Variants in CCDC148 observed in about 807,000 individuals in gnomAD.
The protein encoded by CCDC148 is coiled-coil domain-containing protein 148.
CCDC148 carries 89 observed loss-of-function variants against 85.7 expected under a neutral mutation model. That is an observed-to-expected ratio of 1.04 (90% CI 0.87 to 1.24). The LOEUF (loss-of-function observed/expected upper bound fraction) is 1.24, where lower values mean the gene tolerates loss of function less well. CCDC148 is among the 50% of genes most tolerant of loss of function. The probability of loss-of-function intolerance (pLI) is 0.00; values close to 1 mark genes in which losing one functional copy is unlikely to be tolerated. For missense variants in CCDC148, 692 were observed against 671.7 expected (o/e 1.03, Z -0.33); for synonymous variants, 230 against 213.9 (o/e 1.08, Z -0.66).
chr2:158,447,139 T>TTA (rs1286385749), intron 1 of CCDC148: 1 of 152,152 alleles, frequency 6.6e-6, no homozygotes, highest in Non-Finnish European at 1.5e-5. Context: ...AAGTTTATAT[T>TTA]TATATATATG....
At chr2:158,296,823 C>T (rs1049487668) in intron 9 of CCDC148, among the ~76,000 whole-genome samples, 2 of 152,156 alleles carry the variant, frequency 1.3e-5, no homozygotes, top group Non-Finnish European at 2.9e-5. Flanking sequence ...ATCAAGTCCT[C>T]GAACCCTGGG....
At chr2:158,394,142 T>A (rs1222946746) in intron 1 of CCDC148, among the ~76,000 whole-genome samples, 1 of 152,118 alleles carries the variant, frequency 6.6e-6, no homozygotes, top group African/African-American at 2.4e-5. Flanking sequence ...CCATCAGTTT[T>A]GAGTTTATTT....
In CCDC148 at chr2:158,215,837, C is replaced by T. The variant is rs542782908; in HGVS notation, c.1370+4758G>A. Among the ~76,000 whole-genome samples, 19 of 152,194 alleles carry T rather than the reference C, an allele frequency of 1.2e-4. No homozygotes were observed. The East Asian group carries it at 3.1e-3, about 25-fold the overall frequency. Reference sequence around the variant, plus strand: ...ATGGTATTTGGATATGTAGCCCTCACGGTGGGAGTCACGCCCTTGTAAGAA... The same window carrying T: ...ATGGTATTTGGATATGTAGCCCTCATGGTGGGAGTCACGCCCTTGTAAGAA... On this transcript the variant is annotated intron_variant, in intron 11 of 13. Coordinates refer to ENST00000283233, the MANE Select transcript of CCDC148 (RefSeq NM_138803.4).
chr2:158,426,538 A>C (rs1056258754), intron 1 of CCDC148, among the ~76,000 whole-genome samples: 2 of 152,148 alleles, frequency 1.3e-5, no homozygotes, highest in Non-Finnish European at 2.9e-5. Flanking sequence ...TTCCTGGTTC[A>C]TTGAAAAGAA....
chr2:158,203,953 C>G (rs1686097844), intron 11 of CCDC148, among the ~76,000 whole-genome samples: 1 of 152,128 alleles, frequency 6.6e-6, no homozygotes, highest in Non-Finnish European at 1.5e-5. Flanking sequence ...AAAAGGCAAA[C>G]ATAAATAACC....
chr2:158,257,594 C>G (rs1418635470), intron 9 of CCDC148, among the ~76,000 whole-genome samples: 1 of 151,800 alleles, frequency 6.6e-6, no homozygotes, highest in African/African-American at 2.4e-5. Flanking sequence ...TGTCTTTATT[C>G]TTGGCTTCAC....
intron 10 of CCDC148, among the ~76,000 whole-genome samples, chr2:158,243,729 G>T (rs1420708373): frequency 6.6e-6 from 1 of 152,108 alleles, no homozygotes; most frequent in Admixed American, 6.5e-5. Context: ...ATGCCATACT[G>T]TTGGCAGTAA....
chr2:158,228,422 T>C (rs968583668), intron 10 of CCDC148, among the ~76,000 whole-genome samples: 13 of 152,156 alleles, frequency 8.5e-5, no homozygotes, highest in Non-Finnish European at 1.8e-4. Context: ...GATCTAGAGC[T>C]AGAAATACCA....
intron 7 of CCDC148, among the ~76,000 whole-genome samples, chr2:158,331,219 T>C (rs562197578): frequency 3.3e-5 from 5 of 150,560 alleles, no homozygotes; most frequent in African/African-American, 7.5e-5. Flanking sequence ...TTTGTTCTCA[T>C]TGGTTTCAAA....
At chr2:158,288,708 C>A in intron 9 of CCDC148, 1 of 380,182 alleles carries the variant, frequency 2.6e-6, no homozygotes, top group Non-Finnish European at 5.2e-6. Flanking sequence ...ACTGTTCCAA[C>A]CTCTGCCTGA....
At chr2:158,221,717 AC>A (rs1389275308) in intron 10 of CCDC148, among the ~76,000 whole-genome samples, 1 of 152,214 alleles carries the variant, frequency 6.6e-6, no homozygotes, top group Admixed American at 6.5e-5. Flanking sequence ...CATCCCAAGC[AC>A]CATCGCCACA....
At chr2:158,248,745 T>C (rs550514395) in intron 10 of CCDC148, among the ~76,000 whole-genome samples, 26 of 152,264 alleles carry the variant, frequency 1.7e-4, no homozygotes, top group African/African-American at 5.1e-4. Flanking sequence ...ACATCTTGCA[T>C]TCTAAGATGA....
intron 9 of CCDC148, among the ~76,000 whole-genome samples, chr2:158,300,051 T>C (rs1447688124): frequency 2.6e-5 from 4 of 152,152 alleles, no homozygotes; most frequent in Non-Finnish European, 5.9e-5. Flanking sequence ...AAAATATACC[T>C]CAATTTTATG....
intron 10 of CCDC148, among the ~76,000 whole-genome samples, chr2:158,231,759 G>A (rs1170601382): frequency 6.6e-6 from 1 of 152,092 alleles, no homozygotes; most frequent in Non-Finnish European, 1.5e-5. Flanking sequence ...TAGGTGACTG[G>A]AAGTTTCTTC....
At chr2:158,385,597 A>G (rs540229459) in intron 1 of CCDC148, among the ~76,000 whole-genome samples, 1 of 152,322 alleles carries the variant, frequency 6.6e-6, no homozygotes, top group South Asian at 2.1e-4. Flanking sequence ...GTATATAGAA[A>G]TCCAAGTACT....
intron 7 of CCDC148, among the ~76,000 whole-genome samples, chr2:158,317,150 A>G (rs1420751426): frequency 6.6e-6 from 1 of 152,204 alleles, no homozygotes; most frequent in African/African-American, 2.4e-5. Flanking sequence ...ACTCTACGTT[A>G]AAAGAAAATT....
At chr2:158,208,955 T>TAA (rs373694914) in intron 11 of CCDC148, among the ~76,000 whole-genome samples, 9 of 151,704 alleles carry the variant, frequency 5.9e-5, no homozygotes, top group African/African-American at 2.2e-4. Context: ...ATATATTTTT[T>TAA]AAAAAAACCC....
chr2:158,171,928 TAA>T lies in CCDC148; in HGVS notation c.*183_*184del. On this transcript the variant is annotated 3_prime_UTR_variant, in exon 14 of 14. Transcript: ENST00000283233. The stretch of plus-strand genomic sequence containing the variant: ...GAATTTAGTACTATTAAATATAACT[TAA>T]AGATACAGGAAATATAGTGCATAAA... 1 of 477,880 alleles carries T rather than the reference TAA, an allele frequency of 2.1e-6. No individual in the cohort carries two copies. The highest frequency in any genetic ancestry group is 3.6e-6 in the Non-Finnish European group (1 of 276,062). 29.6% of individuals were successfully genotyped at this position (477,880 alleles called of 1,614,324 possible). A position where few individuals can be genotyped will look rare whatever the true frequency, so the allele number is the denominator to read the frequency against.
chr2:158,225,867 T>C (rs903720568), intron 10 of CCDC148, among the ~76,000 whole-genome samples: 4 of 152,026 alleles, frequency 2.6e-5, no homozygotes, highest in South Asian at 2.1e-4. Flanking sequence ...AGATCCAAAA[T>C]TGACACCCTA....
Sources: gnomAD v4.1 joint callset for allele counts (sites outside exome capture counted in the v4.1 genomes callset) on GRCh38, gnomAD v4.1.1 for gene constraint, MANE v1.5 for transcripts, NCBI Gene and HGNC (gene_info 2026-07-23, HGNC 2026-07-21) for gene names.